The following ALDH3B2 variants were observed in gnomAD, a reference collection of about 807,000 sequenced individuals.
ALDH3B2 encodes aldehyde dehydrogenase 3 family member B2.
ALDH3B2 carries 45 observed loss-of-function variants against 36.7 expected under a neutral mutation model. The ratio of observed to expected loss-of-function variants is 1.23; its 90% confidence interval spans 0.97 to 1.57. ALDH3B2 has a LOEUF of 1.57. ALDH3B2 is among the 40% of genes most tolerant of loss of function. The pLI, the probability that ALDH3B2 is intolerant of heterozygous loss-of-function variation, is 0.00. For synonymous variants in ALDH3B2, 217 were observed against 226.5 expected, an observed-to-expected ratio of 0.96 and a Z score of 0.38; for missense variants, 464 against 513.3, an observed-to-expected ratio of 0.90 and a Z score of 0.93.
At chr11:67,675,807 T>C (rs1420168710), upstream of ALDH3B2, among the ~76,000 whole-genome samples, 2 of 152,216 alleles carry the variant, frequency 1.3e-5, no homozygotes, top group East Asian at 3.8e-4. Flanking sequence ...AACCACTGAA[T>C]TGTACACTGT....
At chr11:67,664,173 G>T in intron 8 of ALDH3B2, 1 of 679,094 alleles carries the variant, frequency 1.5e-6, no homozygotes, top group Non-Finnish European at 2.5e-6. Flanking sequence ...GGCTGCTCTG[G>T]CCAGGACAGA....
chr11:67,663,606 G>T (rs1810877207), intron 9 of ALDH3B2, 56 bp downstream of exon 9: 1 of 1,529,016 alleles, frequency 6.5e-7, no homozygotes, highest in Admixed American at 1.8e-5. Flanking sequence ...GGGACTTCCT[G>T]GGTCTGGGGT....
chr11:67,664,647 G>A (rs1268444344), intron 7 of ALDH3B2, 85 bp from the exon 8 acceptor site: 24 of 1,538,228 alleles, frequency 1.6e-5, no homozygotes, highest in Middle Eastern at 2.3e-4. Flanking sequence ...CAGGGGCATG[G>A]GCCAGGGCTC....
chr11:67,669,908 G>T (rs1856045673), intron 1 of ALDH3B2, among the ~76,000 whole-genome samples: 2 of 140,114 alleles, frequency 1.4e-5, no homozygotes, highest in African/African-American at 5.4e-5. Flanking sequence ...GTGTGTCCAC[G>T]TGTGTCTGTG....
chr11:67,663,676 G>A (rs1156403505), exon 9 of ALDH3B2: 1 of 1,611,370 alleles, frequency 6.2e-7, no homozygotes, highest in Non-Finnish European at 8.5e-7. Context: ...TCCCCCGAAT[G>A]GCACGGACAG....
intron 1 of ALDH3B2, among the ~76,000 whole-genome samples, chr11:67,672,075 A>G (rs184950535): frequency 2.7e-5 from 2 of 75,266 alleles, no homozygotes; most frequent in African/African-American, 5.4e-5. Flanking sequence ...ATATATATAT[A>G]TATATATATA....
At chr11:67,664,346 C>T (rs1343591592) in intron 8 of ALDH3B2, 50 bp downstream of exon 8, 28 of 1,610,914 alleles carry the variant, frequency 1.7e-5, no homozygotes, top group Non-Finnish European at 2.3e-5. Context: ...AGGTGCCAGT[C>T]TGTGCCCCTT....
intron 3 of ALDH3B2, 103 bp from the exon 4 acceptor site, chr11:67,666,797 A>G: frequency 6.2e-7 from 1 of 1,608,748 alleles, no homozygotes; most frequent in South Asian, 1.1e-5. Flanking sequence ...ATCCCAGGAG[A>G]GACGAGAAAA....
chr11:67,671,547 C>A (rs114947910), intron 1 of ALDH3B2, among the ~76,000 whole-genome samples: 4 of 97,660 alleles, frequency 4.1e-5, no homozygotes, highest in African/African-American at 1.0e-4. Flanking sequence ...GCCTCCCCCC[C>A]CTTTTTTTTT....
At chr11:67,666,200 A>G in exon 6 of ALDH3B2, 1 of 1,613,448 alleles carries the variant, frequency 6.2e-7, no homozygotes. Context: ...ACGGCAAAGC[A>G]GCTCTGCAAG....
At chr11:67,673,658 A>G (rs1374239367) in intron 1 of ALDH3B2, 1 of 152,306 alleles carries the variant, frequency 6.6e-6, no homozygotes, top group Non-Finnish European at 1.5e-5. Context: ...GGGCCCAGAA[A>G]GAAGTCAGAG....
chr11:67,680,862 C>T lies in ALDH3B2; in HGVS notation c.-245+314G>A, dbSNP rs1216524499. ...TTTGCTTTTTACTGCAAATGCCCTG[C>T]TGTTGAAACTATACAAGCACCCTCC... On this transcript the variant is annotated intron_variant, in intron 1 of 9. Transcript: ENST00000530069. 2.0e-5 allele frequency among the ~76,000 whole-genome samples: 3 copies of T among 152,178 alleles called. No individual in the cohort carries two copies. The East Asian group carries it at 5.8e-4, about 29-fold the overall frequency.
At position 67,663,640 on chromosome 11, in the gene ALDH3B2, G is replaced by A. The variant is rs1033068976; in HGVS notation, c.973+22C>T. 26 of 1,598,326 alleles carry A rather than the reference G, an allele frequency of 1.6e-5. No homozygotes were observed. In the East Asian group the frequency reaches 2.5e-4, roughly 15 times the overall value. ...GTACCAAAGCCAAGCTTCCCTAGGG[G>A]TGGAAATGGGCAGGGACCCACCGAC... On this transcript the variant is annotated intron_variant, in intron 9 of 9. Coordinates refer to ENST00000349015, the Ensembl canonical transcript of ALDH3B2.
At chr11:67,676,667 G>C (rs1236293838), upstream of ALDH3B2, among the ~76,000 whole-genome samples, 1 of 151,860 alleles carries the variant, frequency 6.6e-6, no homozygotes, top group African/African-American at 2.4e-5. Flanking sequence ...ACAAAAACTT[G>C]TTCTTTGAAA....
exon 10 of ALDH3B2, chr11:67,662,235 G>A (rs994522958): frequency 6.6e-6 from 1 of 152,270 alleles, no homozygotes; most frequent in African/African-American, 2.4e-5. Context: ...AAGGATCCCA[G>A]GCATACACAG....
upstream of ALDH3B2, among the ~76,000 whole-genome samples, chr11:67,679,099 C>A (rs1313610121): frequency 6.6e-6 from 1 of 152,020 alleles, no homozygotes; most frequent in Non-Finnish European, 1.5e-5. Context: ...GATGGCTGCA[C>A]CAGGATCTCA....
At chr11:67,663,206 G>A (rs1487369232) in exon 10 of ALDH3B2, 2 of 1,595,728 alleles carry the variant, frequency 1.3e-6, no homozygotes, top group Non-Finnish European at 1.7e-6. Flanking sequence ...TTGGAGGCGG[G>A]TGGGACGCTC....
exon 7 of ALDH3B2, chr11:67,665,629 T>C (rs1358833891): frequency 6.2e-7 from 1 of 1,613,314 alleles, no homozygotes; most frequent in Non-Finnish European, 8.5e-7. Flanking sequence ...CGTCAGGTGC[T>C]TGGTGGCAGC....
chr11:67,673,477 G>A (rs1336543317), intron 1 of ALDH3B2, among the ~76,000 whole-genome samples: 2 of 152,230 alleles, frequency 1.3e-5, no homozygotes, highest in Non-Finnish European at 2.9e-5. Flanking sequence ...CGGGGAAGCC[G>A]TAGGGGAGGG....
Sources: gnomAD v4.1 joint callset for allele counts (sites outside exome capture counted in the v4.1 genomes callset) on GRCh38, gnomAD v4.1.1 for gene constraint, MANE v1.5 for transcripts, NCBI Gene and HGNC (gene_info 2026-07-23, HGNC 2026-07-21) for gene names.